Variants in PPP6R3 observed in about 807,000 individuals in gnomAD.
PPP6R3 encodes serine/threonine-protein phosphatase 6 regulatory subunit 3.
PPP6R3 carries 38 observed loss-of-function variants against 110.7 expected under a neutral mutation model. The ratio of observed to expected loss-of-function variants is 0.34; its 90% CI spans 0.26 to 0.45. The LOEUF is 0.45. Ranked by LOEUF, PPP6R3 falls within the 20% of genes least tolerant of loss-of-function variation. The pLI, the probability that PPP6R3 is intolerant of heterozygous loss-of-function variation, is 1.00. For missense variants in PPP6R3, 870 were observed against 1,062.4 expected (o/e 0.82, Z 2.52); for synonymous variants, 369 against 373.5 (o/e 0.99, Z 0.14).
chr11:68,479,966 A>G (rs903772885), intron 1 of PPP6R3, among the ~76,000 whole-genome samples: 1 of 151,958 alleles, frequency 6.6e-6, no homozygotes, highest in African/African-American at 2.4e-5. Flanking sequence ...TCTTGGGCTC[A>G]AGTGATTATC....
intron 6 of PPP6R3, among the ~76,000 whole-genome samples, chr11:68,553,419 G>A (rs1246235974): frequency 6.6e-6 from 1 of 150,748 alleles, no homozygotes; most frequent in Non-Finnish European, 1.5e-5. Flanking sequence ...TCAGCCTCCC[G>A]AGTAGCTGGG....
chr11:68,547,516 AGCTGCCCTTCTTGT>A (rs528413541), intron 4 of PPP6R3, among the ~76,000 whole-genome samples: 3 of 152,336 alleles, frequency 2.0e-5, no homozygotes, highest in African/African-American at 7.2e-5. Context: ...CCTCTCCACC[AGCTGCCCTTCTTGT>A]GCTAAGCTAT....
Position 68,596,021 on chromosome 11 carries a change from A to G in PPP6R3, c.1917-76A>G. 7 of 1,575,120 alleles carry G rather than the reference A, an allele frequency of 4.4e-6. 1 individual carries two copies. The highest frequency in any genetic ancestry group is 1.3e-5 in the African/African-American group (1 of 74,152). ...GCACCACAGGACCTTTTGTTGCTGG[A>G]TGACTGTTAGAATTTTCTGGATTTA... is the stretch of plus-strand genomic sequence containing the variant. On this transcript the variant is annotated intron_variant, in intron 18 of 23. Transcript: ENST00000393800.
chr11:68,529,950 A>G (rs947199244), intron 2 of PPP6R3, among the ~76,000 whole-genome samples: 8 of 152,232 alleles, frequency 5.3e-5, no homozygotes, highest in Admixed American at 1.3e-4. Context: ...TAGTACAGCA[A>G]CCACTGGCCA....
intron 1 of PPP6R3, among the ~76,000 whole-genome samples, chr11:68,479,739 GTTTC>G (rs2098888585): frequency 2.0e-5 from 3 of 151,752 alleles, no homozygotes; most frequent in Admixed American, 6.6e-5. Flanking sequence ...CTGAGGGTTG[GTTTC>G]TTTCTTTTTT....
chr11:68,585,038 G>T (rs2099573841), intron 15 of PPP6R3, among the ~76,000 whole-genome samples: 1 of 152,184 alleles, frequency 6.6e-6, no homozygotes. Flanking sequence ...GTTTGAGGTT[G>T]GGCATCATGT....
intron 1 of PPP6R3, among the ~76,000 whole-genome samples, chr11:68,499,780 C>T (rs990545105): frequency 4.6e-5 from 7 of 152,010 alleles, no homozygotes; most frequent in African/African-American, 1.7e-4. Flanking sequence ...GCCATGTTTC[C>T]CAGGCTGGTC....
chr11:68,571,023 C>A lies in PPP6R3; in HGVS notation c.1279-17C>A. On this transcript the variant is annotated splice_polypyrimidine_tract_variant and intron_variant, in intron 11 of 23. Transcript: ENST00000393800. Reference sequence around the variant, plus strand: ...GCTTTGAAGTATTAACTGGAATATTCTTTTTTTTTTTTTCAGCTTTTCCAA... The same window carrying A: ...GCTTTGAAGTATTAACTGGAATATTATTTTTTTTTTTTTCAGCTTTTCCAA... 2 of 1,233,172 alleles carry A rather than the reference C, an allele frequency of 1.6e-6. No individual in the cohort carries two copies. Among genetic ancestry groups the A allele is most frequent in the South Asian group, 2.9e-5 (2 of 69,086 alleles). 76.4% of individuals were successfully genotyped at this position (1,233,172 alleles called of 1,614,324 possible).
intron 1 of PPP6R3, among the ~76,000 whole-genome samples, chr11:68,484,655 T>G (rs12364620): frequency 0.23 from 35,010 of 151,938 alleles, 4,282 homozygotes; most frequent in Middle Eastern, 0.32. Flanking sequence ...TGGCACAGTC[T>G]TGGCTCACTG....
At chr11:68,483,649 C>CT (rs1187946230) in intron 1 of PPP6R3, among the ~76,000 whole-genome samples, 1 of 152,094 alleles carries the variant, frequency 6.6e-6, no homozygotes, top group African/African-American at 2.4e-5. Flanking sequence ...GACTGGCTAA[C>CT]TTTTGTGTTT....
At chr11:68,522,572 AC>A (rs1180960771) in intron 2 of PPP6R3, 1 of 152,164 alleles carries the variant, frequency 6.6e-6, no homozygotes, top group Non-Finnish European at 1.5e-5. Context: ...GATAGGGCAA[AC>A]CGGGATGGTT....
rs1944497811 is a variant in PPP6R3 at position 68,613,491 on chromosome 11, AATT to A, written c.*379_*381del. 2 of 994,284 alleles carry A rather than the reference AATT, an allele frequency of 2.0e-6. No homozygotes were observed. The highest frequency in any genetic ancestry group is 1.7e-5 in the African/African-American group (1 of 57,516). The allele number at this position is 994,284 out of a possible 1,614,324, so 61.6% of individuals were successfully genotyped here. A position where few individuals can be genotyped will look rare whatever the true frequency, so the allele number is the denominator to read the frequency against. On this transcript the variant is annotated 3_prime_UTR_variant, in exon 24 of 24. Transcript: ENST00000393800. ...ATTGTATTTGAAACATAACTTTGACAATTATTAGTGTGACCAAAGTATTAGGCG... is the reference window on the plus strand; with the variant it reads ...ATTGTATTTGAAACATAACTTTGACAATTAGTGTGACCAAAGTATTAGGCG...
intron 14 of PPP6R3, among the ~76,000 whole-genome samples, chr11:68,580,934 G>A (rs1162123689): frequency 1.3e-5 from 2 of 152,036 alleles, no homozygotes; most frequent in East Asian, 3.9e-4. Context: ...ACCGTGCCCG[G>A]CTAATTTTTT....
At chr11:68,514,414 T>A (rs1014241922) in intron 1 of PPP6R3, among the ~76,000 whole-genome samples, 1 of 152,068 alleles carries the variant, frequency 6.6e-6, no homozygotes, top group Non-Finnish European at 1.5e-5. Context: ...TATTTCTTTA[T>A]GAATGTAGTT....
At chr11:68,574,806 C>A (rs1477860869) in intron 13 of PPP6R3, among the ~76,000 whole-genome samples, 1 of 152,190 alleles carries the variant, frequency 6.6e-6, no homozygotes, top group Non-Finnish European at 1.5e-5. Flanking sequence ...CATGAGCCTT[C>A]TTCTAAAATG....
rs2098998471 is a variant in PPP6R3 at position 68,493,788 on chromosome 11, T to C, written c.-157-25713T>C. ...CTGTTATTTTTATTAATCTTGTATG[T>C]CATTATAGTACTCTTTTAAAACGCT... On this transcript the variant is annotated intron_variant, in intron 1 of 23. Transcript: ENST00000393800. Among the ~76,000 whole-genome samples, 4 of 151,686 alleles carry C rather than the reference T, an allele frequency of 2.6e-5. No individual in the cohort carries two copies. In the South Asian group the frequency reaches 8.3e-4, roughly 32 times the overall value.
intron 1 of PPP6R3, among the ~76,000 whole-genome samples, chr11:68,511,311 C>T (rs908284605): frequency 2.6e-5 from 4 of 151,890 alleles, no homozygotes; most frequent in African/African-American, 7.3e-5. Context: ...GTGATCCGCC[C>T]GCCTTGGCCT....
chr11:68,479,320 TG>T (rs1369146811), intron 1 of PPP6R3, among the ~76,000 whole-genome samples: 1 of 152,132 alleles, frequency 6.6e-6, no homozygotes, highest in Non-Finnish European at 1.5e-5. Flanking sequence ...CGGAATAAAC[TG>T]TGTTGTGTGC....
At chr11:68,494,445 T>C (rs2099004149) in intron 1 of PPP6R3, among the ~76,000 whole-genome samples, 1 of 145,016 alleles carries the variant, frequency 6.9e-6, no homozygotes, top group South Asian at 2.2e-4. Flanking sequence ...CTGGTACCTA[T>C]ACGCAAGTGT....
Sources: allele counts gnomAD v4.1 joint callset (sites outside exome capture counted in the v4.1 genomes callset), GRCh38; gene constraint gnomAD v4.1.1; transcripts MANE v1.5; gene names NCBI Gene and HGNC (gene_info 2026-07-23, HGNC 2026-07-21).